Variants in OR4N2 observed in about 807,000 individuals in gnomAD.
The protein encoded by OR4N2 is olfactory receptor family 4 subfamily N member 2.
For missense variants in OR4N2, 307 were observed against 377.6 expected, an observed-to-expected ratio of 0.81 and a Z score of 1.55; for synonymous variants, 141 against 140.4, an observed-to-expected ratio of 1.00 and a Z score of -0.03.
intron 1 of OR4N2, among the ~76,000 whole-genome samples, chr14:19,804,524 T>C (rs144278240): frequency 6.6e-6 from 1 of 152,260 alleles, no homozygotes; most frequent in South Asian, 2.1e-4. Flanking sequence ...TTTTATTGTA[T>C]TGATTTCAAT....
At chr14:19,818,112 T>C (rs1342310340) in intron 1 of OR4N2, among the ~76,000 whole-genome samples, 1 of 152,260 alleles carries the variant, frequency 6.6e-6, no homozygotes, top group Non-Finnish European at 1.5e-5. Context: ...TCCAAGTATG[T>C]GGTCAATTTT....
chr14:19,824,203 G>A (rs1312689544), intron 1 of OR4N2, among the ~76,000 whole-genome samples: 3 of 151,736 alleles, frequency 2.0e-5, no homozygotes, highest in Non-Finnish European at 4.4e-5. Flanking sequence ...TTTTTTTTTG[G>A]CAGAAACTTA....
At chr14:19,826,793 C>G (rs1476596796) in intron 1 of OR4N2, among the ~76,000 whole-genome samples, 3 of 152,226 alleles carry the variant, frequency 2.0e-5, no homozygotes, top group Non-Finnish European at 4.4e-5. Flanking sequence ...AGAGTTACAG[C>G]TGGAGCACTG....
At chr14:19,815,402 T>G (rs935929457) in intron 1 of OR4N2, among the ~76,000 whole-genome samples, 2 of 152,278 alleles carry the variant, frequency 1.3e-5, no homozygotes, top group Non-Finnish European at 2.9e-5. Context: ...TGGTTTTGAT[T>G]TGCATTTCTC....
At position 19,806,957 on chromosome 14, in the gene OR4N2, A is replaced by G. The variant is rs77872609; in HGVS notation, c.-10+3113A>G. ...AAAGTAAACAACTTGCTCCTGAATA[A>G]CTCATGGGTGCACACTGAAATTAGG... On this transcript the variant is annotated intron_variant, in intron 1 of 1. Transcript: ENST00000557677. Among the ~76,000 whole-genome samples the G allele has an allele frequency of 7.3e-3, 1,109 of 152,130 alleles. 4 individuals carry two copies. The highest frequency in any genetic ancestry group is 0.029 in the East Asian group (148 of 5,170).
intron 1 of OR4N2, among the ~76,000 whole-genome samples, chr14:19,807,656 T>TA (rs139844666): frequency 4.0e-5 from 6 of 151,642 alleles, no homozygotes; most frequent in African/African-American, 7.3e-5. Context: ...TACCAGATTT[T>TA]AAAAAAAAGA....
chr14:19,805,251 T>G (rs1780894), intron 1 of OR4N2, among the ~76,000 whole-genome samples: 12,464 of 149,790 alleles, frequency 0.083, 97 homozygotes, highest in East Asian at 0.18. Flanking sequence ...TTACCCATAA[T>G]AAATTACTGA....
chr14:19,824,752 A>G (rs1235080519), intron 1 of OR4N2, among the ~76,000 whole-genome samples: 2 of 152,220 alleles, frequency 1.3e-5, no homozygotes, highest in Non-Finnish European at 2.9e-5. Flanking sequence ...TCCTTTCCTT[A>G]TGATTTTGTT....
At chr14:19,827,065 A>G (rs568525427) in intron 1 of OR4N2, among the ~76,000 whole-genome samples, 3 of 152,396 alleles carry the variant, frequency 2.0e-5, no homozygotes, top group Admixed American at 1.3e-4. Context: ...ACCCTCAAGC[A>G]TAGTATATCC....
chr14:19,819,602 T>C (rs1879512639), intron 1 of OR4N2, among the ~76,000 whole-genome samples: 1 of 152,244 alleles, frequency 6.6e-6, no homozygotes, highest in Non-Finnish European at 1.5e-5. Context: ...TTTTTCAAGG[T>C]TCTTAGCTTC....
At chr14:19,804,395 T>C (rs1166576375) in intron 1 of OR4N2, among the ~76,000 whole-genome samples, 5 of 152,216 alleles carry the variant, frequency 3.3e-5, no homozygotes, top group African/African-American at 1.2e-4. Context: ...GATTTTGATA[T>C]GTAGTATGTT....
chr14:19,815,643 A>C (rs1248072969), intron 1 of OR4N2, among the ~76,000 whole-genome samples: 7 of 146,936 alleles, frequency 4.8e-5, no homozygotes, highest in African/African-American at 1.8e-4. Context: ...CTCTGATGAG[A>C]GGTTTTTTTT....
At chr14:19,806,547 C>G (rs1199530005) in intron 1 of OR4N2, among the ~76,000 whole-genome samples, 4 of 152,190 alleles carry the variant, frequency 2.6e-5, no homozygotes, top group African/African-American at 9.6e-5. Flanking sequence ...ATACACTGAA[C>G]ATTGGAGCAC....
At position 19,827,858 on chromosome 14, in the gene OR4N2, A is replaced by T. The variant is rs1346164919; in HGVS notation, c.410A>T (p.Asn137Ile). ...CCTCTGCACTATCCTACTGTCATGA[A>T]CCCTAGAACCTGCTATGCAATGATG... ...CRPLHYPTVM[N>I]PRTCYAMMLA... is the part of the protein sequence containing the mutation. Residue 137 changes from asparagine (N) to isoleucine (I), a missense_variant, in exon 2 of 2, where the codon AAC becomes ATC. Transcript: ENST00000557677. 3.1e-6 allele frequency: 5 copies of T among 1,613,994 alleles called. No homozygotes were observed. Among genetic ancestry groups the T allele is most frequent in the East Asian group, 4.5e-5 (2 of 44,894 alleles).
chr14:19,820,882 C>A (rs969014471), intron 1 of OR4N2, among the ~76,000 whole-genome samples: 1 of 152,362 alleles, frequency 6.6e-6, no homozygotes, highest in African/African-American at 2.4e-5. Context: ...GGGGTGGGAT[C>A]CACTGAGATA....
intron 1 of OR4N2, chr14:19,822,588 C>G (rs1457317055): frequency 6.6e-6 from 1 of 152,214 alleles, no homozygotes; most frequent in Admixed American, 6.5e-5. Flanking sequence ...CATTACTGAC[C>G]CTCCACAACT....
intron 1 of OR4N2, among the ~76,000 whole-genome samples, chr14:19,814,749 G>T (rs1348799942): frequency 6.6e-6 from 1 of 152,212 alleles, no homozygotes; most frequent in African/African-American, 2.4e-5. Context: ...GTAAATATGT[G>T]CCATGGTGGC....
In OR4N2 at chr14:19,822,710, C is replaced by T. The variant is rs187971004; in HGVS notation, c.-9-4730C>T. Among the ~76,000 whole-genome samples the T allele has an allele frequency of 2.5e-3, 386 of 152,342 alleles. 5 individuals carry two copies. Among genetic ancestry groups the T allele is most frequent in the Admixed American group, 0.02 (308 of 15,294 alleles). Reference sequence around the variant, plus strand: ...GTCCATTCAATATAACTACTTTTAACATCTAAATATTTTCAGGATTAACTT... The same window carrying T: ...GTCCATTCAATATAACTACTTTTAATATCTAAATATTTTCAGGATTAACTT... On this transcript the variant is annotated intron_variant, in intron 1 of 1. Transcript: ENST00000557677.
At chr14:19,805,398 C>G (rs1361728404) in intron 1 of OR4N2, among the ~76,000 whole-genome samples, 2 of 152,120 alleles carry the variant, frequency 1.3e-5, no homozygotes, top group South Asian at 2.1e-4. Context: ...AAGAAAGAAC[C>G]AAAGTGAAAC....
Sources: gnomAD v4.1 joint callset for allele counts (sites outside exome capture counted in the v4.1 genomes callset) on GRCh38, gnomAD v4.1.1 for gene constraint, MANE v1.5 for transcripts, NCBI Gene and HGNC (gene_info 2026-07-23, HGNC 2026-07-21) for gene names.